SUMF1: variants seen among roughly 807,000 people sequenced by gnomAD.
The protein encoded by SUMF1 is formylglycine-generating enzyme.
SUMF1 carries 48 observed loss-of-function variants against 47.6 expected under a neutral mutation model. The observed-to-expected ratio is 1.01, with a 90% CI of 0.80 to 1.28. The LOEUF is 1.28. Ranked by LOEUF, SUMF1 falls within the 50% of genes most tolerant of loss-of-function variation. SUMF1 has a pLI of 0.00. For missense variants in SUMF1, 571 were observed against 485.4 expected (o/e 1.18, Z -1.66); for synonymous variants, 230 against 192.1 (o/e 1.20, Z -1.63).
chr3:4,142,309 CAT>C (rs1694089241), intron 8 of SUMF1, among the ~76,000 whole-genome samples: 1 of 152,142 alleles, frequency 6.6e-6, no homozygotes, highest in African/African-American at 2.4e-5. Context: ...AATTCCATCA[CAT>C]GTCCTACAGT....
intron 8 of SUMF1, among the ~76,000 whole-genome samples, chr3:4,183,870 G>A (rs1267164214): frequency 1.3e-5 from 2 of 152,032 alleles, no homozygotes; most frequent in East Asian, 1.9e-4. Context: ...CATCAAAAGA[G>A]GCATTAAAGA....
At chr3:4,208,545 A>T (rs1469685369) in intron 8 of SUMF1, among the ~76,000 whole-genome samples, 2 of 151,922 alleles carry the variant, frequency 1.3e-5, no homozygotes, top group African/African-American at 2.4e-5. Flanking sequence ...TGTTAAAATT[A>T]TCAGACTAGG....
At chr3:4,038,894 A>T (rs1694853896) in intron 9 of SUMF1, among the ~76,000 whole-genome samples, 1 of 152,350 alleles carries the variant, frequency 6.6e-6, no homozygotes, top group African/African-American at 2.4e-5. Context: ...TTAGTATCAG[A>T]CAATGCTTAA....
At chr3:4,279,592 G>A (rs1181476769) in intron 8 of SUMF1, among the ~76,000 whole-genome samples, 1 of 152,026 alleles carries the variant, frequency 6.6e-6, no homozygotes, top group Non-Finnish European at 1.5e-5. Context: ...ATGCCATTGA[G>A]CTGGGAATGC....
intron 8 of SUMF1, among the ~76,000 whole-genome samples, chr3:4,131,793 T>C (rs1693797211): frequency 6.6e-6 from 1 of 152,024 alleles, no homozygotes; most frequent in Non-Finnish European, 1.5e-5. Flanking sequence ...AGAAGAGGAT[T>C]TTAATAATAA....
intron 3 of SUMF1, among the ~76,000 whole-genome samples, chr3:4,447,022 G>A (rs1702803903): frequency 6.6e-6 from 1 of 152,062 alleles, no homozygotes; most frequent in Non-Finnish European, 1.5e-5. Flanking sequence ...GACAGAGAGG[G>A]GTGATGATTA....
At chr3:4,455,481 C>A (rs998212602) in intron 1 of SUMF1, among the ~76,000 whole-genome samples, 1 of 152,082 alleles carries the variant, frequency 6.6e-6, no homozygotes, top group Non-Finnish European at 1.5e-5. Context: ...TTTGGGAGGC[C>A]GAGGCAGGTG....
intron 3 of SUMF1, among the ~76,000 whole-genome samples, chr3:4,423,879 C>T (rs1163225540): frequency 6.6e-6 from 1 of 152,106 alleles, no homozygotes; most frequent in Non-Finnish European, 1.5e-5. Flanking sequence ...CTCTCTTGCT[C>T]CTGCTTTCAC....
At chr3:4,404,736 T>C (rs58537342) in intron 7 of SUMF1, among the ~76,000 whole-genome samples, 2,503 of 152,132 alleles carry the variant, frequency 0.016, 70 homozygotes, top group African/African-American at 0.056. Context: ...TGCACTCCAG[T>C]CTGGGCAACA....
intron 8 of SUMF1, among the ~76,000 whole-genome samples, chr3:4,274,388 T>C (rs997556462): frequency 1.3e-4 from 20 of 152,178 alleles, no homozygotes; most frequent in African/African-American, 4.8e-4. Context: ...AAGCATACTA[T>C]ATTCGGCACT....
intron 7 of SUMF1, among the ~76,000 whole-genome samples, chr3:4,389,606 T>G (rs1443319569): frequency 1.3e-5 from 2 of 152,206 alleles, no homozygotes; most frequent in African/African-American, 2.4e-5. Flanking sequence ...TGTGAGAACT[T>G]TTGTTATAAT....
At chr3:4,179,966 GA>G (rs1431713033) in intron 8 of SUMF1, among the ~76,000 whole-genome samples, 1 of 152,198 alleles carries the variant, frequency 6.6e-6, no homozygotes, top group African/African-American at 2.4e-5. Flanking sequence ...CTGGTCATTA[GA>G]GAAACACAAA....
intron 9 of SUMF1, among the ~76,000 whole-genome samples, chr3:4,055,098 G>A (rs1695168204): frequency 1.3e-5 from 2 of 152,196 alleles, no homozygotes; most frequent in Middle Eastern, 3.4e-3. Flanking sequence ...AGTGGAGTGC[G>A]TTTTCTTCAT....
In SUMF1 at chr3:4,386,160, C is replaced by T. The variant is rs991020555; in HGVS notation, c.955-9771G>A. On this transcript the variant is annotated intron_variant, in intron 7 of 8. Coordinates refer to ENST00000272902, the MANE Select transcript of SUMF1 (RefSeq NM_182760.4). ...TTCAGAATAATCATGTCAATATCTA[C>T]AAAAAATCTTGCTGGGATTTTGATA... 3.3e-5 allele frequency among the ~76,000 whole-genome samples: 5 copies of T among 152,198 alleles called. 1 individual carries two copies. The highest frequency in any genetic ancestry group is 1.2e-4 in the African/African-American group (5 of 41,544).
At chr3:4,381,463 C>T (rs867724513) in intron 7 of SUMF1, among the ~76,000 whole-genome samples, 2 of 152,180 alleles carry the variant, frequency 1.3e-5, no homozygotes, top group South Asian at 4.1e-4. Flanking sequence ...CAAACACCAC[C>T]TGTTCCCCAA....
chr3:4,338,600 T>C (rs1034911713), intron 8 of SUMF1, among the ~76,000 whole-genome samples: 13 of 152,178 alleles, frequency 8.5e-5, no homozygotes, highest in African/African-American at 2.9e-4. Context: ...ACTGTTACAT[T>C]CTGGAGAAAT....
At chr3:4,096,476 CT>C (rs545819638) in intron 8 of SUMF1, among the ~76,000 whole-genome samples, 79 of 152,180 alleles carry the variant, frequency 5.2e-4, no homozygotes, top group African/African-American at 1.7e-3. Flanking sequence ...AAATGGGCAG[CT>C]TTTGTAGGTC....
chr3:4,041,638 C>G (rs1694909408), intron 9 of SUMF1, among the ~76,000 whole-genome samples: 1 of 151,996 alleles, frequency 6.6e-6, no homozygotes, highest in African/African-American at 2.4e-5. Context: ...AAACTTGCCC[C>G]CATTAGTAGC....
intron 8 of SUMF1, among the ~76,000 whole-genome samples, chr3:4,220,155 T>A (rs1320719595): frequency 6.6e-6 from 1 of 152,154 alleles, no homozygotes; most frequent in Admixed American, 6.6e-5. Flanking sequence ...CCAGGCTCCA[T>A]TAGACATTAG....
Sources: gnomAD v4.1 joint callset for allele counts (sites outside exome capture counted in the v4.1 genomes callset) on GRCh38, gnomAD v4.1.1 for gene constraint, MANE v1.5 for transcripts, NCBI Gene and HGNC (gene_info 2026-07-23, HGNC 2026-07-21) for gene names.